Variants in KCNMB2 observed in about 807,000 individuals in gnomAD.
KCNMB2 encodes the protein calcium-activated potassium channel subunit beta-2.
Under a neutral mutation model 24.5 loss-of-function variants are expected in KCNMB2, and 9 were observed. That is an observed-to-expected ratio of 0.37 (90% CI 0.22 to 0.64). The LOEUF is 0.64. Ranked by LOEUF, KCNMB2 falls within the 30% of genes least tolerant of loss-of-function variation. The pLI is 0.63. For synonymous variants in KCNMB2, 109 were observed against 104.4 expected, an observed-to-expected ratio of 1.04 and a Z score of -0.27; for missense variants, 226 against 284.3, an observed-to-expected ratio of 0.79 and a Z score of 1.47.
At chr3:178,565,553 T>A (rs1017591567) in intron 1 of KCNMB2, among the ~76,000 whole-genome samples, 4 of 152,236 alleles carry the variant, frequency 2.6e-5, no homozygotes, top group Admixed American at 2.0e-4. Flanking sequence ...TATCTCTAGA[T>A]ATGAAGATGG....
At chr3:178,572,050 AT>A (rs914229679) in intron 1 of KCNMB2, among the ~76,000 whole-genome samples, 1 of 152,146 alleles carries the variant, frequency 6.6e-6, no homozygotes, top group African/African-American at 2.4e-5. Flanking sequence ...TGTAAGATTT[AT>A]TTTTTGAATT....
intron 1 of KCNMB2, among the ~76,000 whole-genome samples, chr3:178,587,110 G>A (rs771534169): frequency 8.5e-5 from 13 of 152,210 alleles, no homozygotes; most frequent in Middle Eastern, 3.4e-3. Context: ...AATTGGTGAA[G>A]AGGACATGGT....
At chr3:178,729,576 C>T (rs531186763) in intron 1 of KCNMB2, among the ~76,000 whole-genome samples, 40 of 152,278 alleles carry the variant, frequency 2.6e-4, no homozygotes, top group African/African-American at 6.3e-4. Flanking sequence ...TAGTCTGGTG[C>T]TGGGGCGAAG....
intron 2 of KCNMB2, among the ~76,000 whole-genome samples, chr3:178,810,207 A>T (rs192946531): frequency 6.6e-6 from 1 of 152,274 alleles, no homozygotes; most frequent in African/African-American, 2.4e-5. Context: ...TCCTCCAGTT[A>T]ATTATTTGGA....
At chr3:178,758,344 GGATAT>G (rs1724286540) in intron 1 of KCNMB2, among the ~76,000 whole-genome samples, 2 of 9,694 alleles carry the variant, frequency 2.1e-4, no homozygotes, top group Non-Finnish European at 2.9e-4. Context: ...CTCCAAGAGG[GGATAT>G]ATATATATAT....
At chr3:178,646,225 C>G (rs1346667830) in intron 1 of KCNMB2, among the ~76,000 whole-genome samples, 1 of 152,158 alleles carries the variant, frequency 6.6e-6, no homozygotes, top group African/African-American at 2.4e-5. Context: ...AGAAATCAAA[C>G]AGCTGTAGGG....
chr3:178,643,437 A>G (rs1209846545), intron 1 of KCNMB2, among the ~76,000 whole-genome samples: 2 of 152,172 alleles, frequency 1.3e-5, no homozygotes, highest in East Asian at 3.8e-4. Flanking sequence ...AAACCTGAAT[A>G]AGCTCTACAG....
chr3:178,683,160 T>C (rs1377239064), intron 1 of KCNMB2, among the ~76,000 whole-genome samples: 1 of 152,162 alleles, frequency 6.6e-6, no homozygotes, highest in Non-Finnish European at 1.5e-5. Flanking sequence ...AATGAAATCG[T>C]GTTCTTTGCA....
At chr3:178,823,130 A>C (rs992537481) in intron 2 of KCNMB2, among the ~76,000 whole-genome samples, 7 of 152,256 alleles carry the variant, frequency 4.6e-5, no homozygotes, top group African/African-American at 1.7e-4. Flanking sequence ...TGATTTTTTA[A>C]AATTTGAGTT....
At chr3:178,739,306 T>A (rs191628204) in intron 1 of KCNMB2, among the ~76,000 whole-genome samples, 163 of 152,296 alleles carry the variant, frequency 1.1e-3, no homozygotes, top group African/African-American at 3.9e-3. Context: ...AGGAGAGACT[T>A]CTATGTCAAA....
chr3:178,712,746 C>G (rs892204606), intron 1 of KCNMB2, among the ~76,000 whole-genome samples: 6 of 152,172 alleles, frequency 3.9e-5, no homozygotes, highest in Admixed American at 1.3e-4. Context: ...CAGACAGACT[C>G]CAGAGACTTC....
intron 1 of KCNMB2, among the ~76,000 whole-genome samples, chr3:178,799,983 G>T (rs750925857): frequency 4.7e-4 from 71 of 152,082 alleles, no homozygotes; most frequent in Non-Finnish European, 7.8e-4. Context: ...ATATGCTGAA[G>T]AATGAAACCA....
chr3:178,585,215 C>T (rs1467870432), intron 1 of KCNMB2, among the ~76,000 whole-genome samples: 1 of 152,208 alleles, frequency 6.6e-6, no homozygotes, highest in African/African-American at 2.4e-5. Context: ...TTTGGCAGAA[C>T]TTGTTAAGAA....
At chr3:178,576,919 C>T (rs1717015310) in intron 1 of KCNMB2, among the ~76,000 whole-genome samples, 1 of 152,200 alleles carries the variant, frequency 6.6e-6, no homozygotes. Flanking sequence ...GGTGCAGCCT[C>T]AGCAGACTTA....
intron 1 of KCNMB2, among the ~76,000 whole-genome samples, chr3:178,544,218 A>G (rs1249547980): frequency 6.6e-6 from 1 of 152,184 alleles, no homozygotes; most frequent in Non-Finnish European, 1.5e-5. Flanking sequence ...GAATTATTTT[A>G]TAATAATTAA....
intron 1 of KCNMB2, among the ~76,000 whole-genome samples, chr3:178,645,305 C>T (rs995673882): frequency 2.0e-4 from 31 of 152,040 alleles, no homozygotes; most frequent in African/African-American, 7.2e-4. Context: ...CCGCCTCGGC[C>T]TCCCAAAGTG....
chr3:178,699,980 A>G (rs922594605), intron 1 of KCNMB2, among the ~76,000 whole-genome samples: 1 of 152,194 alleles, frequency 6.6e-6, no homozygotes, highest in African/African-American at 2.4e-5. Flanking sequence ...TGGTTCAAAA[A>G]TGAGTCCCAG....
chr3:178,661,201 T>C (rs1720516722), intron 1 of KCNMB2, among the ~76,000 whole-genome samples: 1 of 147,444 alleles, frequency 6.8e-6, no homozygotes, highest in Non-Finnish European at 1.5e-5. Context: ...TGTGTTCTCA[T>C]TGTTCAGCAC....
At chr3:178,638,235 C>T (rs1490859743) in intron 1 of KCNMB2, among the ~76,000 whole-genome samples, 2 of 152,172 alleles carry the variant, frequency 1.3e-5, no homozygotes, top group African/African-American at 4.8e-5. Flanking sequence ...TAATTGTACC[C>T]TTTAGCCTGT....
Sources: gnomAD v4.1 joint callset for allele counts (sites outside exome capture counted in the v4.1 genomes callset) on GRCh38, gnomAD v4.1.1 for gene constraint, MANE v1.5 for transcripts, NCBI Gene and HGNC (gene_info 2026-07-23, HGNC 2026-07-21) for gene names.